DLGAP1: variants seen among roughly 807,000 people sequenced by gnomAD.
The protein encoded by DLGAP1 is disks large-associated protein 1.
In DLGAP1, 11 loss-of-function variants were observed where a neutral mutation model predicts 90.8. The observed-to-expected ratio is 0.12, with a 90% CI of 0.08 to 0.20. The LOEUF is 0.20. Ranked by LOEUF, DLGAP1 falls within the 10% of genes least tolerant of loss-of-function variation. The pLI, the probability that DLGAP1 is intolerant of heterozygous loss-of-function variation, is 1.00. For synonymous variants in DLGAP1, 558 were observed against 540.7 expected (o/e 1.03, Z -0.44); for missense variants, 1,050 against 1,333.8 (o/e 0.79, Z 3.31).
chr18:3,948,993 T>G (rs922002030), intron 3 of DLGAP1, among the ~76,000 whole-genome samples: 49 of 152,122 alleles, frequency 3.2e-4, no homozygotes, highest in Non-Finnish European at 5.0e-4. Flanking sequence ...AAACAGAAAT[T>G]ATCAATAATT....
intron 1 of DLGAP1, among the ~76,000 whole-genome samples, chr18:4,351,315 G>A (rs2081397803): frequency 6.6e-6 from 1 of 152,172 alleles, no homozygotes; most frequent in Non-Finnish European, 1.5e-5. Flanking sequence ...GCTCCACAGA[G>A]CAGAAAATTA....
chr18:3,579,337 A>G (rs751513714), intron 8 of DLGAP1, among the ~76,000 whole-genome samples: 2 of 152,196 alleles, frequency 1.3e-5, no homozygotes, highest in Non-Finnish European at 2.9e-5. Context: ...CAGTCTCCCA[A>G]GTAGCTGGGA....
At chr18:3,988,503 A>C (rs2073887691) in intron 3 of DLGAP1, among the ~76,000 whole-genome samples, 2 of 152,096 alleles carry the variant, frequency 1.3e-5, no homozygotes, top group Admixed American at 6.5e-5. Flanking sequence ...TTGGATCATC[A>C]GGCATTAGAT....
chr18:4,165,450 C>T (rs2076917758), intron 1 of DLGAP1, among the ~76,000 whole-genome samples: 1 of 152,054 alleles, frequency 6.6e-6, no homozygotes, highest in Non-Finnish European at 1.5e-5. Flanking sequence ...CTGTCACTAC[C>T]CAACCTAACT....
At chr18:4,056,869 T>C (rs1162349359) in intron 2 of DLGAP1, among the ~76,000 whole-genome samples, 3 of 152,206 alleles carry the variant, frequency 2.0e-5, no homozygotes, top group Non-Finnish European at 4.4e-5. Context: ...CAATGCACTT[T>C]AGCATCTTTC....
intron 2 of DLGAP1, among the ~76,000 whole-genome samples, chr18:4,058,211 G>C (rs1223386855): frequency 6.6e-6 from 1 of 151,766 alleles, no homozygotes; most frequent in African/African-American, 2.4e-5. Flanking sequence ...ACACCTGCCA[G>C]ACAGTCCACA....
At chr18:3,540,801 A>G (rs1015312751) in intron 9 of DLGAP1, among the ~76,000 whole-genome samples, 1 of 152,192 alleles carries the variant, frequency 6.6e-6, no homozygotes, top group African/African-American at 2.4e-5. Flanking sequence ...TTCTATAAAA[A>G]AATTTTCTCT....
At chr18:3,893,869 T>C (rs1386302443) in intron 3 of DLGAP1, among the ~76,000 whole-genome samples, 1 of 152,156 alleles carries the variant, frequency 6.6e-6, no homozygotes, top group Non-Finnish European at 1.5e-5. Context: ...CTCCATATCC[T>C]TGCCAACGTC....
intron 2 of DLGAP1, among the ~76,000 whole-genome samples, chr18:4,046,896 G>A (rs1390484474): frequency 6.6e-6 from 1 of 152,200 alleles, no homozygotes; most frequent in Non-Finnish European, 1.5e-5. Flanking sequence ...CTGGCCTCAG[G>A]ATAAAAGGTG....
chr18:3,635,205 ACTGCAAGCTCCGC>A (rs1211174641), intron 7 of DLGAP1, among the ~76,000 whole-genome samples: 3 of 148,244 alleles, frequency 2.0e-5, no homozygotes, highest in African/African-American at 7.5e-5. Context: ...ATCTCGGCTC[ACTGCAAGCTCCGC>A]CTCCCGGGTT....
intron 5 of DLGAP1, among the ~76,000 whole-genome samples, chr18:3,807,312 T>C (rs1369935367): frequency 6.6e-6 from 1 of 152,238 alleles, no homozygotes; most frequent in Non-Finnish European, 1.5e-5. Context: ...ATCTTTTAAA[T>C]AGCTCATCAC....
intron 2 of DLGAP1, among the ~76,000 whole-genome samples, chr18:4,076,699 C>A (rs570054728): frequency 4.0e-4 from 61 of 152,224 alleles, no homozygotes; most frequent in African/African-American, 1.4e-3. Context: ...TCTCGGCTCA[C>A]TGCAACCTCC....
chr18:4,356,109 T>C (rs1436610462), intron 1 of DLGAP1, among the ~76,000 whole-genome samples: 1 of 151,944 alleles, frequency 6.6e-6, no homozygotes, highest in Non-Finnish European at 1.5e-5. Flanking sequence ...AAGTGCACCG[T>C]AGTCAGTTGG....
intron 4 of DLGAP1, among the ~76,000 whole-genome samples, chr18:3,842,161 A>G (rs1357201857): frequency 6.6e-6 from 1 of 151,908 alleles, no homozygotes; most frequent in Non-Finnish European, 1.5e-5. Context: ...AGAAGAGACA[A>G]AGGAGGAAGC....
chr18:3,872,225 CAAA>C (rs5822772), intron 4 of DLGAP1, among the ~76,000 whole-genome samples: 78 of 87,082 alleles, frequency 9.0e-4, no homozygotes, highest in Middle Eastern at 6.8e-3. Context: ...CTCTCCAAGA[CAAA>C]AAAAAAAAAA....
chr18:4,340,414 C>A (rs527496498), intron 1 of DLGAP1, among the ~76,000 whole-genome samples: 1 of 152,254 alleles, frequency 6.6e-6, no homozygotes, highest in Non-Finnish European at 1.5e-5. Flanking sequence ...TGGAATTTTC[C>A]ATTTCATATT....
intron 2 of DLGAP1, among the ~76,000 whole-genome samples, chr18:4,047,721 A>G (rs1396098242): frequency 1.3e-5 from 2 of 152,228 alleles, no homozygotes; most frequent in Non-Finnish European, 2.9e-5. Flanking sequence ...GAGCTGTTAT[A>G]TGGTCCATGA....
intron 1 of DLGAP1, among the ~76,000 whole-genome samples, chr18:4,399,623 G>C (rs1437167533): frequency 6.6e-6 from 1 of 152,096 alleles, no homozygotes; most frequent in Non-Finnish European, 1.5e-5. Flanking sequence ...TGAGACTGTT[G>C]GGGATAAAGC....
At chr18:3,993,505 G>T (rs1291504552) in intron 3 of DLGAP1, among the ~76,000 whole-genome samples, 1 of 151,976 alleles carries the variant, frequency 6.6e-6, no homozygotes, top group African/African-American at 2.4e-5. Context: ...TAAAAATCAT[G>T]AAGGGGAGAA....
Sources: allele counts gnomAD v4.1 joint callset (sites outside exome capture counted in the v4.1 genomes callset), GRCh38; gene constraint gnomAD v4.1.1; transcripts MANE v1.5; gene names NCBI Gene and HGNC (gene_info 2026-07-23, HGNC 2026-07-21).